The following STK32C variants were observed in gnomAD, a reference collection of about 807,000 sequenced individuals.
STK32C encodes the protein serine/threonine kinase 32C.
In STK32C, 31 loss-of-function variants were observed where a neutral mutation model predicts 56.5. The ratio of observed to expected loss-of-function variants is 0.55; its 90% CI spans 0.41 to 0.74. The LOEUF is 0.74. Among genes scored for constraint, STK32C ranks in the 30% least tolerant of loss-of-function variants. STK32C has a pLI of 0.00. For missense variants in STK32C, 544 were observed against 676.9 expected (o/e 0.80, Z 2.18); for synonymous variants, 309 against 289.4 (o/e 1.07, Z -0.69).
intron 1 of STK32C, among the ~76,000 whole-genome samples, chr10:132,257,951 G>A (rs1423545679): frequency 2.6e-5 from 4 of 152,220 alleles, no homozygotes; most frequent in Non-Finnish European, 5.9e-5. Context: ...GGGCTGCAAA[G>A]ACCAGCAAGG....
intron 2 of STK32C, among the ~76,000 whole-genome samples, chr10:132,230,691 G>GT (rs1393023531): frequency 7.3e-6 from 1 of 137,794 alleles, no homozygotes; most frequent in Non-Finnish European, 1.6e-5. Flanking sequence ...GGGGGGGGGG[G>GT]GCTGCAGAGC....
intron 1 of STK32C, among the ~76,000 whole-genome samples, chr10:132,270,538 C>T (rs1258078865): frequency 6.6e-6 from 1 of 152,236 alleles, no homozygotes; most frequent in Non-Finnish European, 1.5e-5. Context: ...ACTGTGGGAA[C>T]CGCAGGGTAT....
At chr10:132,264,084 C>T (rs554857753) in intron 1 of STK32C, among the ~76,000 whole-genome samples, 1 of 151,992 alleles carries the variant, frequency 6.6e-6, no homozygotes, top group Non-Finnish European at 1.5e-5. Context: ...CTGGGGCAGG[C>T]GGTGGCGACG....
At chr10:132,319,858 A>G (rs138702976), downstream of STK32C, among the ~76,000 whole-genome samples, 672 of 151,946 alleles carry the variant, frequency 4.4e-3, 9 homozygotes, top group African/African-American at 0.016. Context: ...CATAATTTAC[A>G]TAATATAAAA....
chr10:132,240,164 A>G (rs1376926944), intron 2 of STK32C, among the ~76,000 whole-genome samples: 1 of 151,982 alleles, frequency 6.6e-6, no homozygotes. Flanking sequence ...GGTGGCCTGA[A>G]ACCCATGACC....
In STK32C at chr10:132,272,784, T is replaced by A. The variant is rs764435807; in HGVS notation, c.263-26829A>T. ...GTCAAGCCCCGCTCTGCTCAAAGGC[T>A]CCACACTCCCATTTCTCTCAAGTAA... On this transcript the variant is annotated intron_variant, in intron 1 of 11. Coordinates refer to ENST00000298630, the MANE Select transcript of STK32C (RefSeq NM_173575.4). Among the ~76,000 whole-genome samples, 32 of 152,126 alleles carry A rather than the reference T, an allele frequency of 2.1e-4. 1 individual carries two copies. Among genetic ancestry groups the A allele is most frequent in the Non-Finnish European group, 5.9e-5 (4 of 68,028 alleles).
At chr10:132,272,411 A>G (rs2064857877) in intron 1 of STK32C, among the ~76,000 whole-genome samples, 1 of 152,180 alleles carries the variant, frequency 6.6e-6, no homozygotes, top group Admixed American at 6.5e-5. Flanking sequence ...CGAGCAAATG[A>G]ATACAATGTC....
intron 1 of STK32C, among the ~76,000 whole-genome samples, chr10:132,251,836 G>A (rs1329676863): frequency 6.8e-6 from 1 of 146,202 alleles, no homozygotes; most frequent in East Asian, 2.0e-4. Context: ...ACCCACCACA[G>A]GCAGGTCAAT....
chr10:132,211,327 G>A (rs1442256077), intron 10 of STK32C, among the ~76,000 whole-genome samples: 1 of 152,210 alleles, frequency 6.6e-6, no homozygotes, highest in East Asian at 1.9e-4. Flanking sequence ...AAGGTGGGAG[G>A]GGCTGGGGTG....
At chr10:132,283,912 G>T (rs2065295425) in intron 1 of STK32C, among the ~76,000 whole-genome samples, 1 of 152,160 alleles carries the variant, frequency 6.6e-6, no homozygotes, top group African/African-American at 2.4e-5. Flanking sequence ...AAGTCCAGGG[G>T]AACCAAAGGA....
intron 1 of STK32C, among the ~76,000 whole-genome samples, chr10:132,263,427 C>T (rs186782127): frequency 6.0e-4 from 91 of 151,984 alleles, no homozygotes; most frequent in African/African-American, 9.6e-4. Context: ...CAATGGACAC[C>T]GGGACTGCGA....
At chr10:132,321,726 G>A (rs1225515022), downstream of STK32C, among the ~76,000 whole-genome samples, 2 of 152,222 alleles carry the variant, frequency 1.3e-5, no homozygotes, top group African/African-American at 2.4e-5. Context: ...AGCTACTGCT[G>A]AGGCAGGAGA....
In STK32C at chr10:132,225,273, C is replaced by G; in HGVS notation, c.836G>C (p.Trp279Ser). The change falls in exon 7 of 12, where the codon TGG becomes TCG. Residue 279 changes from tryptophan to serine, a missense_variant. This residue lies in a region of STK32C where 277 missense variants were observed against 309.3 expected (regional missense o/e 0.90). Transcript: ENST00000298630. ...CTCATAGGCCATCACCCCCACCGACCACCAGTCCACCTCGAAGGAGTAGCC... is the reference window on the plus strand; with the variant it reads ...CTCATAGGCCATCACCCCCACCGACGACCAGTCCACCTCGAAGGAGTAGCC... ...GTGYSFEVDW[W>S]SVGVMAYELL... is the part of the protein sequence containing the mutation. 6.2e-7 allele frequency: 1 copy of G among 1,611,446 alleles called. No homozygotes were observed.
intron 1 of STK32C, chr10:132,249,114 C>CCGGGG (rs2063798195): frequency 2.1e-6 from 1 of 465,234 alleles, no homozygotes; most frequent in African/African-American, 2.0e-5. Context: ...CGCATGCGTG[C>CCGGGG]CGGGGCGGGG....
intron 10 of STK32C, among the ~76,000 whole-genome samples, chr10:132,221,540 A>G (rs1397200166): frequency 7.1e-6 from 1 of 141,262 alleles, no homozygotes; most frequent in African/African-American, 2.7e-5. Context: ...CACCTGGGCA[A>G]GTGTGAGGGC....
At chr10:132,331,143 G>GT (rs2066699043) in intron 1 of STK32C, among the ~76,000 whole-genome samples, 1 of 143,942 alleles carries the variant, frequency 6.9e-6, no homozygotes, top group Non-Finnish European at 1.5e-5. Context: ...GGAGGTCGCA[G>GT]TGGGCCGAGA....
rs890788976 is a variant in STK32C at position 132,316,203 on chromosome 10, TA to T, written c.301+15232del. Among the ~76,000 whole-genome samples, 89 of 151,704 alleles carry T rather than the reference TA, an allele frequency of 5.9e-4. 1 individual carries two copies. The highest frequency in any genetic ancestry group is 4.2e-3 in the South Asian group (20 of 4,790). ...TGCCAATTAAAAAGAAAATAAATTG[TA>T]AAAAAAAATTTAAAAAATAAATTAC... On this transcript the variant is annotated intron_variant, in intron 1 of 3. Transcript: ENST00000368620.
intron 1 of STK32C, among the ~76,000 whole-genome samples, chr10:132,280,796 C>CT: frequency 6.7e-6 from 1 of 148,420 alleles, no homozygotes; most frequent in African/African-American, 2.5e-5. Flanking sequence ...CGCCACTGCA[C>CT]CCCGTGATCA....
chr10:132,289,467 A>T (rs1159319146), intron 1 of STK32C, among the ~76,000 whole-genome samples: 1 of 152,230 alleles, frequency 6.6e-6, no homozygotes, highest in Non-Finnish European at 1.5e-5. Context: ...CACACACATA[A>T]ATGGGCTAAA....
Sources: gnomAD v4.1 joint callset for allele counts (sites outside exome capture counted in the v4.1 genomes callset) on GRCh38, gnomAD v4.1.1 for gene constraint, gnomAD v4.1.1 regional missense constraint, MANE v1.5 for transcripts, NCBI Gene and HGNC (gene_info 2026-07-23, HGNC 2026-07-21) for gene names.